BCAT2: variants seen among roughly 807,000 people sequenced by gnomAD.
BCAT2 encodes the protein branched-chain-amino-acid aminotransferase, mitochondrial.
A neutral mutation model predicts 52.9 loss-of-function variants in BCAT2; 44 were observed. That is an observed-to-expected ratio of 0.83 (90% CI 0.65 to 1.07). The LOEUF is 1.07. BCAT2 is among the 50% of genes least tolerant of loss of function. BCAT2 has a pLI of 0.00. For synonymous variants in BCAT2, 215 were observed against 217.1 expected (o/e 0.99, Z 0.08); for missense variants, 478 against 521.8 (o/e 0.92, Z 0.82).
In BCAT2 at chr19:48,807,030, AC is replaced by A; in HGVS notation, c.68del (p.Gly23ValfsTer19). ...AACTGGAGGAGGCATATCTTCTGGG[AC>A]CACACAGAAGCCAAGGGACAGAGAG... ...KLLSVPWLLC[G>X]PRRYASSSFK... On this transcript the variant is annotated frameshift_variant, in exon 2 of 11. Coordinates refer to ENST00000316273, the MANE Select transcript of BCAT2 (RefSeq NM_001190.4). LOFTEE classifies it high-confidence loss of function. This position sits in a 1 kb window ranked among gnomAD's most constrained non-coding sequence, Gnocchi z 4.6. The A allele has an allele frequency of 6.2e-7, 1 of 1,613,878 alleles. No individual in the cohort carries two copies. Among genetic ancestry groups the A allele is most frequent in the Non-Finnish European group, 8.5e-7 (1 of 1,179,930 alleles).
chr19:48,804,024 T>C (rs1488807411), intron 3 of BCAT2, among the ~76,000 whole-genome samples: 1 of 151,944 alleles, frequency 6.6e-6, no homozygotes, highest in Non-Finnish European at 1.5e-5. Context: ...CCAATAGTGG[T>C]GCATGTCTAT....
chr19:48,799,565 G>T lies in BCAT2; in HGVS notation c.695+110C>A. The T allele has an allele frequency of 1.5e-6, 2 of 1,354,682 alleles. No homozygotes were observed. Among genetic ancestry groups the T allele is most frequent in the Non-Finnish European group, 9.8e-7 (1 of 1,016,918 alleles). 83.9% of individuals were successfully genotyped at this position (1,354,682 alleles called of 1,614,324 possible). ...GCACTGAGCCCTGCACGGTGCTGATGATGTCACCTTCATGTGACATCCAGA... is the reference window on the plus strand; with the variant it reads ...GCACTGAGCCCTGCACGGTGCTGATTATGTCACCTTCATGTGACATCCAGA... On this transcript the variant is annotated intron_variant, in intron 6 of 10. Coordinates refer to ENST00000316273, the MANE Select transcript of BCAT2 (RefSeq NM_001190.4). The surrounding 1 kb of genome is among the most constrained non-coding windows in gnomAD (Gnocchi z 5.5).
chr19:48,800,436 G>T, intron 3 of BCAT2, 139 bp from the exon 4 acceptor site: 1 of 715,424 alleles, frequency 1.4e-6, no homozygotes, highest in Admixed American at 2.6e-5. Context: ...GGGAGATTTA[G>T]CAGCTGGGTC....
intron 1 of BCAT2, among the ~76,000 whole-genome samples, chr19:48,809,078 A>G (rs1183692348): frequency 6.8e-6 from 1 of 147,104 alleles, no homozygotes; most frequent in Non-Finnish European, 1.5e-5. Context: ...AAAAAAAAAA[A>G]AAAAAAAAAA....
chr19:48,795,310 C>T lies in BCAT2; in HGVS notation c.*116G>A, dbSNP rs1227082547. The T allele has an allele frequency of 5.0e-6, 7 of 1,409,342 alleles. No individual in the cohort carries two copies. Among genetic ancestry groups the T allele is most frequent in the South Asian group, 1.2e-5 (1 of 82,176 alleles). The allele number at this position is 1,409,342 out of a possible 1,614,324, so 87.3% of individuals were successfully genotyped here. The stretch of plus-strand genomic sequence containing the variant: ...CACATGGGGGCGCCAGAGACCCAGA[C>T]GCCGCCCGCTGGCCTTTTATTTCGT... On this transcript the variant is annotated 3_prime_UTR_variant, in exon 11 of 11. Coordinates refer to ENST00000316273, the MANE Select transcript of BCAT2 (RefSeq NM_001190.4).
At position 48,797,235 on chromosome 19, in the gene BCAT2, A is replaced by G. The variant is rs2034546390; in HGVS notation, c.794T>C (p.Val265Ala). Residue 265 changes from valine to alanine, a missense_variant, in exon 7 of 11, where the codon GTG (valine) becomes GCG (alanine). Transcript: ENST00000316273. The stretch of plus-strand genomic sequence containing the variant: ...GTAGACAAAGATGTTCATGGTTCCC[A>G]CCTCGGTGAGCTGGTGGTCGGGCCC... ...LYGPDHQLTE[V>A]GTMNIFVYWT... is the part of the protein sequence containing the mutation. 6.2e-7 allele frequency: 1 copy of G among 1,613,556 alleles called. No homozygotes were observed. Among genetic ancestry groups the G allele is most frequent in the Non-Finnish European group, 8.5e-7 (1 of 1,179,886 alleles).
Position 48,797,261 on chromosome 19 carries a change from A to G in BCAT2, c.768T>C (p.Tyr256=), listed in dbSNP as rs764998218. 6.2e-7 allele frequency: 1 copy of G among 1,614,016 alleles called. No individual in the cohort carries two copies. The highest frequency in any genetic ancestry group is 1.7e-5 in the Admixed American group (1 of 59,986). Residue 256 remains tyrosine, a synonymous_variant, in exon 7 of 11, where the codon TAT becomes TAC. Coordinates refer to ENST00000316273, the MANE Select transcript of BCAT2 (RefSeq NM_001190.4). ...KRGCEQVLWL[Y]GPDHQLTEVG... ...CCTCGGTGAGCTGGTGGTCGGGCCC[A>G]TACAGCCAGAGGACCTGTTCACAGC... is the stretch of plus-strand genomic sequence containing the variant.
Position 48,795,236 on chromosome 19 carries a change from G to C in BCAT2, c.*190C>G. On this transcript the variant is annotated 3_prime_UTR_variant, in exon 11 of 11. Coordinates refer to ENST00000316273, the MANE Select transcript of BCAT2 (RefSeq NM_001190.4). ...GACCTGAACCCGCGACGAGGGGCTG[G>C]GGGCCAAGATGCCTGGGTCGGCCCT... The C allele has an allele frequency of 1.5e-6, 1 of 679,174 alleles. No homozygotes were observed. Among genetic ancestry groups the C allele is most frequent in the Non-Finnish European group, 2.5e-6 (1 of 392,958 alleles). The allele number at this position is 679,174 out of a possible 1,614,324, so 42.1% of individuals were successfully genotyped here.
rs1202936748 is a variant in BCAT2 at position 48,795,159 on chromosome 19, C to T, written c.*267G>A. 7.3e-6 allele frequency: 4 copies of T among 547,412 alleles called. No individual in the cohort carries two copies. The African/African-American group carries it at 7.6e-5, about 10-fold the overall frequency. 33.9% of individuals were successfully genotyped at this position (547,412 alleles called of 1,614,324 possible). On this transcript the variant is annotated 3_prime_UTR_variant, in exon 11 of 11. Transcript: ENST00000316273. ...GGTCTGGCCTGAGAACGGAGAGATC[C>T]GGAATCGGGGCCAAGGTGTATCCTT...
chr19:48,807,916 G>A lies in BCAT2; in HGVS notation c.25-842C>T, dbSNP rs2034828776. On this transcript the variant is annotated intron_variant, in intron 1 of 10. Coordinates refer to ENST00000316273, the MANE Select transcript of BCAT2 (RefSeq NM_001190.4). The surrounding 1 kb of genome is among the most constrained non-coding windows in gnomAD (Gnocchi z 4.6). The stretch of plus-strand genomic sequence containing the variant: ...GGAAGAGCAGGTCTGGCTGTGTCCA[G>A]CAGGCTGGGCCCTCTCTGGTGACCT... The A allele has an allele frequency of 1.7e-5, 17 of 985,836 alleles. No homozygotes were observed. The highest frequency in any genetic ancestry group is 1.9e-5 in the Non-Finnish European group (16 of 830,218). 61.1% of individuals were successfully genotyped at this position (985,836 alleles called of 1,614,324 possible). A position where few individuals can be genotyped will look rare whatever the true frequency, so the allele number is the denominator to read the frequency against.
chr19:48,803,300 C>T (rs1391616868), intron 3 of BCAT2, among the ~76,000 whole-genome samples: 1 of 152,152 alleles, frequency 6.6e-6, no homozygotes, highest in Non-Finnish European at 1.5e-5. Flanking sequence ...AGGAGGATCA[C>T]TTGAGCTTAG....
At chr19:48,800,736 G>A (rs1420995157) in intron 3 of BCAT2, among the ~76,000 whole-genome samples, 1 of 152,102 alleles carries the variant, frequency 6.6e-6, no homozygotes, top group Non-Finnish European at 1.5e-5. Flanking sequence ...TTGAGCCTGG[G>A]AGTTTGAGAC....
At chr19:48,795,591 T>G (rs1465624532) in intron 10 of BCAT2, 127 bp from the exon 11 acceptor site, 4 of 1,053,846 alleles carry the variant, frequency 3.8e-6, no homozygotes, top group Non-Finnish European at 5.6e-6. Context: ...GTAGTCCACT[T>G]CCCAGAGGGC....
At position 48,795,295 on chromosome 19, in the gene BCAT2, C is replaced by T. The variant is rs1406641069; in HGVS notation, c.*131G>A. On this transcript the variant is annotated 3_prime_UTR_variant, in exon 11 of 11. Transcript: ENST00000316273. The stretch of plus-strand genomic sequence containing the variant: ...TGGGAGTGTCGCAACCACATGGGGG[C>T]GCCAGAGACCCAGACGCCGCCCGCT... 3 of 1,212,106 alleles carry T rather than the reference C, an allele frequency of 2.5e-6. No individual in the cohort carries two copies. The highest frequency in any genetic ancestry group is 1.5e-5 in the African/African-American group (1 of 66,598). The allele number at this position is 1,212,106 out of a possible 1,614,324, so 75.1% of individuals were successfully genotyped here.
chr19:48,803,644 T>G (rs2034702640), intron 3 of BCAT2, among the ~76,000 whole-genome samples: 1 of 152,016 alleles, frequency 6.6e-6, no homozygotes, highest in Non-Finnish European at 1.5e-5. Context: ...GCTCAGGAGT[T>G]CAAAACCAGC....
rs2034821040 is a variant in BCAT2 at position 48,807,640 on chromosome 19, G to T, written c.25-566C>A. On this transcript the variant is annotated intron_variant, in intron 1 of 10. Coordinates refer to ENST00000316273, the MANE Select transcript of BCAT2 (RefSeq NM_001190.4). The surrounding 1 kb of genome is among the most constrained non-coding windows in gnomAD (Gnocchi z 4.6). ...TCCTCCCTTACATCCAGGAGTACAG[G>T]CCCCACCCCTCCTCCCTCAGACCCA... is the stretch of plus-strand genomic sequence containing the variant. The T allele has an allele frequency of 2.3e-6, 2 of 858,644 alleles. No individual in the cohort carries two copies. The highest frequency in any genetic ancestry group is 2.8e-6 in the Non-Finnish European group (2 of 713,506). The allele number at this position is 858,644 out of a possible 1,614,324, so 53.2% of individuals were successfully genotyped here.
At chr19:48,800,336 CCAGA>C in intron 3 of BCAT2, 39 bp from the exon 4 acceptor site, 1 of 1,569,672 alleles carries the variant, frequency 6.4e-7, no homozygotes, top group Non-Finnish European at 8.7e-7. Context: ...AGAGACTTCT[CCAGA>C]CAGTCATGAG....
intron 3 of BCAT2, among the ~76,000 whole-genome samples, chr19:48,801,229 C>T (rs1456471509): frequency 6.6e-6 from 1 of 150,766 alleles, no homozygotes; most frequent in Non-Finnish European, 1.5e-5. Context: ...CCACTGCACC[C>T]AGCCAGACTT....
At position 48,809,197 on chromosome 19, in the gene BCAT2, C is replaced by T. The variant is rs368327623; in HGVS notation, c.24+1787G>A. 8.0e-5 allele frequency among the ~76,000 whole-genome samples: 12 copies of T among 150,688 alleles called. No homozygotes were observed. The South Asian group carries it at 1.5e-3, about 18-fold the overall frequency. ...ACCACAGTCACTTGAACCCATGAGG[C>T]GGAGGTTACAGTGAGCCGAGATCGT... On this transcript the variant is annotated intron_variant, in intron 1 of 10. Transcript: ENST00000316273.
Sources: allele counts gnomAD v4.1 joint callset (sites outside exome capture counted in the v4.1 genomes callset), GRCh38; gene constraint gnomAD v4.1.1; non-coding constraint Gnocchi (gnomAD v3.1); transcripts MANE v1.5; gene names NCBI Gene and HGNC (gene_info 2026-07-23, HGNC 2026-07-21).